BORCS5: variants seen among roughly 807,000 people sequenced by gnomAD.
BORCS5 encodes the protein BLOC-1 related complex subunit 5.
BORCS5 carries 17 observed loss-of-function variants against 22.1 expected under a neutral mutation model. The observed-to-expected ratio is 0.77, with a 90% CI of 0.53 to 1.15. The LOEUF (loss-of-function observed/expected upper bound fraction) is 1.15. Among genes scored for constraint, BORCS5 ranks in the 50% most tolerant of loss-of-function variants. The pLI is 0.00. For synonymous variants in BORCS5, 117 were observed against 99.8 expected (o/e 1.17, Z -1.03); for missense variants, 247 against 253.2 (o/e 0.98, Z 0.17).
At chr12:12,451,942 AAAAG>A (rs1461781719) in intron 3 of BORCS5, among the ~76,000 whole-genome samples, 15 of 151,630 alleles carry the variant, frequency 9.9e-5, no homozygotes, top group Admixed American at 8.6e-4. Flanking sequence ...AAAAAAAAAA[AAAAG>A]GAAAGCAGCA....
intron 2 of BORCS5, among the ~76,000 whole-genome samples, chr12:12,375,878 C>T (rs539489646): frequency 1.8e-4 from 28 of 152,142 alleles, no homozygotes; most frequent in African/African-American, 4.8e-4. Flanking sequence ...AATCTCAGCT[C>T]GCTGCAACCT....
intron 2 of BORCS5, among the ~76,000 whole-genome samples, chr12:12,395,441 T>TC (rs1324840432): frequency 6.9e-6 from 1 of 145,794 alleles, no homozygotes; most frequent in Non-Finnish European, 1.5e-5. Flanking sequence ...GCTAATTTTT[T>TC]TTTTTTTTTT....
At chr12:12,450,270 G>T (rs1292642740) in intron 3 of BORCS5, among the ~76,000 whole-genome samples, 3 of 152,162 alleles carry the variant, frequency 2.0e-5, no homozygotes, top group Non-Finnish European at 4.4e-5. Flanking sequence ...GTAAAAGGAG[G>T]GGGTTGCTCA....
At chr12:12,376,109 C>G (rs1293018682) in intron 2 of BORCS5, among the ~76,000 whole-genome samples, 1 of 150,874 alleles carries the variant, frequency 6.6e-6, no homozygotes, top group East Asian at 2.0e-4. Flanking sequence ...GGTCTGTAAT[C>G]CTGTCTCTAA....
intron 2 of BORCS5, among the ~76,000 whole-genome samples, chr12:12,405,025 C>T (rs1190311576): frequency 6.6e-6 from 1 of 152,116 alleles, no homozygotes; most frequent in African/African-American, 2.4e-5. Flanking sequence ...TGTAAGTCTA[C>T]GAGGCACCAT....
chr12:12,423,141 A>G (rs1340475554), intron 2 of BORCS5, among the ~76,000 whole-genome samples: 1 of 152,040 alleles, frequency 6.6e-6, no homozygotes, highest in Non-Finnish European at 1.5e-5. Context: ...AGCTGGGACT[A>G]AAGGCGCCCG....
At chr12:12,423,005 A>AT (rs1942179672) in intron 2 of BORCS5, among the ~76,000 whole-genome samples, 1 of 148,520 alleles carries the variant, frequency 6.7e-6, no homozygotes, top group African/African-American at 2.5e-5. Context: ...TTTTTTATTT[A>AT]TTTTTTTATT....
chr12:12,361,549 C>T (rs1261950268), intron 2 of BORCS5, among the ~76,000 whole-genome samples, 200 bp downstream of exon 2: 1 of 152,170 alleles, frequency 6.6e-6, no homozygotes, highest in East Asian at 1.9e-4. Context: ...CTCTATAGCA[C>T]TTAATTATCA....
At chr12:12,455,027 C>T (rs749872326) in intron 3 of BORCS5, among the ~76,000 whole-genome samples, 17 of 152,074 alleles carry the variant, frequency 1.1e-4, no homozygotes, top group Non-Finnish European at 2.1e-4. Context: ...AGCAATATGC[C>T]CATCTTCAAA....
chr12:12,395,221 CA>C (rs111321551), intron 2 of BORCS5, among the ~76,000 whole-genome samples: 2,041 of 151,576 alleles, frequency 0.013, 48 homozygotes, highest in African/African-American at 0.046. Flanking sequence ...ACTCTGTGAC[CA>C]AAGAGAAGGC....
intron 2 of BORCS5, among the ~76,000 whole-genome samples, chr12:12,429,730 AGTTTT>A (rs1484816111): frequency 2.6e-5 from 4 of 151,956 alleles, no homozygotes; most frequent in Admixed American, 2.6e-4. Context: ...TAGAAGTGAG[AGTTTT>A]GTTTTGTGAG....
rs71436712 is a variant in BORCS5, at chr12:12,362,636, C to CTTTTT, written c.202+1309_202+1313dup. Among the ~76,000 whole-genome samples the CTTTTT allele has an allele frequency of 1.0e-3, 59 of 57,586 alleles. 11 individuals are homozygous for CTTTTT. The highest frequency in any genetic ancestry group is 3.3e-3 in the South Asian group (3 of 910). The allele number at this position is 57,586 out of a possible 152,430, so 37.8% of individuals were successfully genotyped here. ...CAACACATTATATCATGTTACTCAT[C>CTTTTT]TTTTTTTTTTTTTTTTTTTTTTTTT... is the stretch of plus-strand genomic sequence containing the variant. On this transcript the variant is annotated intron_variant, in intron 2 of 3. Transcript: ENST00000314565.
intron 2 of BORCS5, among the ~76,000 whole-genome samples, chr12:12,369,689 G>A (rs1863479838): frequency 7.9e-6 from 1 of 127,232 alleles, no homozygotes; most frequent in African/African-American, 3.2e-5. Context: ...TTTCAATGGT[G>A]TGGTTTCATT....
At chr12:12,418,693 G>C (rs1329332324) in intron 2 of BORCS5, among the ~76,000 whole-genome samples, 2 of 152,046 alleles carry the variant, frequency 1.3e-5, no homozygotes, top group Non-Finnish European at 2.9e-5. Context: ...TTTCAGTATA[G>C]CTCTTTTGGT....
At chr12:12,439,622 A>G (rs1204289365) in intron 3 of BORCS5, among the ~76,000 whole-genome samples, 1 of 152,240 alleles carries the variant, frequency 6.6e-6, no homozygotes, top group Non-Finnish European at 1.5e-5. Flanking sequence ...CCCTGTCTCA[A>G]AAAATAAAAT....
At chr12:12,433,742 T>C (rs1472268001) in intron 2 of BORCS5, among the ~76,000 whole-genome samples, 1 of 152,186 alleles carries the variant, frequency 6.6e-6, no homozygotes, top group African/African-American at 2.4e-5. Flanking sequence ...TTAGGACTTG[T>C]AGTGCAGCAG....
chr12:12,360,346 G>A (rs1863252554), intron 1 of BORCS5, among the ~76,000 whole-genome samples: 1 of 152,142 alleles, frequency 6.6e-6, no homozygotes, highest in Non-Finnish European at 1.5e-5. Flanking sequence ...TGGCGACAGA[G>A]CGAGGCTCTG....
At position 12,362,636 on chromosome 12, in the gene BORCS5, C is replaced by CTTTTTTTTTT. The variant is rs71436712; in HGVS notation, c.202+1304_202+1313dup. ...CAACACATTATATCATGTTACTCATCTTTTTTTTTTTTTTTTTTTTTTTTT... is the reference window on the plus strand; with the variant it reads ...CAACACATTATATCATGTTACTCATCTTTTTTTTTTTTTTTTTTTTTTTTTTTTTTTTTTT... On this transcript the variant is annotated intron_variant, in intron 2 of 3. Coordinates refer to ENST00000314565, the MANE Select transcript of BORCS5 (RefSeq NM_058169.6). 1.1e-3 allele frequency among the ~76,000 whole-genome samples: 63 copies of CTTTTTTTTTT among 57,574 alleles called. 3 individuals are homozygous for CTTTTTTTTTT. The highest frequency in any genetic ancestry group is 2.9e-3 in the African/African-American group (53 of 18,262). 37.8% of individuals were successfully genotyped at this position (57,574 alleles called of 152,430 possible).
Position 12,386,468 on chromosome 12 carries a change from ATTTG to A in BORCS5, c.202+25122_202+25125del, listed in dbSNP as rs971318546. Among the ~76,000 whole-genome samples, 30 of 102,978 alleles carry A rather than the reference ATTTG, an allele frequency of 2.9e-4. 1 individual carries two copies. The highest frequency in any genetic ancestry group is 5.8e-4 in the South Asian group (2 of 3,446). 67.6% of individuals were successfully genotyped at this position (102,978 alleles called of 152,430 possible). On this transcript the variant is annotated intron_variant, in intron 2 of 3. Transcript: ENST00000314565. ...CACTGTTGCTATTTTTTTTTTTTTTATTTGTTCTAGTTCGTTCTCTTTTTTTGAG... is the reference window on the plus strand; with the variant it reads ...CACTGTTGCTATTTTTTTTTTTTTTATTCTAGTTCGTTCTCTTTTTTTGAG...
Sources: gnomAD v4.1 joint callset for allele counts (sites outside exome capture counted in the v4.1 genomes callset) on GRCh38, gnomAD v4.1.1 for gene constraint, MANE v1.5 for transcripts, NCBI Gene and HGNC (gene_info 2026-07-23, HGNC 2026-07-21) for gene names.